The following NKAIN2 variants were observed in gnomAD, a reference collection of about 807,000 sequenced individuals.
NKAIN2 encodes sodium/potassium transporting ATPase interacting 2.
In NKAIN2, 14 loss-of-function variants were observed where a neutral mutation model predicts 32.6. The ratio of observed to expected loss-of-function variants is 0.43; its 90% CI spans 0.28 to 0.67. NKAIN2 has a LOEUF of 0.67. Among genes scored for constraint, NKAIN2 ranks in the 30% least tolerant of loss-of-function variants. The pLI is 0.17. For missense variants in NKAIN2, 198 were observed against 258.3 expected (o/e 0.77, Z 1.60); for synonymous variants, 80 against 87.2 (o/e 0.92, Z 0.46).
intron 1 of NKAIN2, among the ~76,000 whole-genome samples, chr6:124,220,347 A>G (rs1791748998): frequency 6.6e-6 from 1 of 151,790 alleles, no homozygotes; most frequent in African/African-American, 2.4e-5. Context: ...AATCAATTAA[A>G]CCTCCTTTGT....
At chr6:123,839,121 G>C (rs1774755250) in intron 1 of NKAIN2, among the ~76,000 whole-genome samples, 1 of 151,890 alleles carries the variant, frequency 6.6e-6, no homozygotes, top group South Asian at 2.1e-4. Context: ...TGTCCTGTTT[G>C]GTTAGCACAG....
At chr6:124,171,487 A>G (rs1169572350) in intron 1 of NKAIN2, among the ~76,000 whole-genome samples, 3 of 149,356 alleles carry the variant, frequency 2.0e-5, no homozygotes, top group African/African-American at 7.4e-5. Flanking sequence ...GAAAACCAAG[A>G]TTTTGTGATA....
At chr6:123,855,245 T>C (rs1026393885) in intron 1 of NKAIN2, among the ~76,000 whole-genome samples, 2 of 152,190 alleles carry the variant, frequency 1.3e-5, no homozygotes, top group Non-Finnish European at 2.9e-5. Context: ...TAAAATATTG[T>C]GAACAAATAT....
chr6:124,814,673 C>G (rs1000465594), intron 5 of NKAIN2, among the ~76,000 whole-genome samples: 3 of 151,008 alleles, frequency 2.0e-5, no homozygotes, highest in Non-Finnish European at 4.4e-5. Context: ...CTCAGGACAC[C>G]CTCATTTCCC....
intron 1 of NKAIN2, among the ~76,000 whole-genome samples, chr6:124,246,368 A>G (rs1043219068): frequency 4.6e-5 from 7 of 152,004 alleles, no homozygotes; most frequent in South Asian, 2.1e-4. Flanking sequence ...CTTGACTCAC[A>G]TCAGCATCAG....
At chr6:124,227,100 G>A (rs2689899) in intron 1 of NKAIN2, among the ~76,000 whole-genome samples, 96,489 of 142,186 alleles carry the variant, frequency 0.68, 32,638 homozygotes, top group South Asian at 0.76. Context: ...AAAAAAAAAA[G>A]AAAAAGTTAC....
At chr6:124,435,050 A>G (rs1775380586) in intron 3 of NKAIN2, among the ~76,000 whole-genome samples, 1 of 152,184 alleles carries the variant, frequency 6.6e-6, no homozygotes, top group Non-Finnish European at 1.5e-5. Flanking sequence ...GTTTCAGAAA[A>G]TCACAAATAT....
intron 1 of NKAIN2, among the ~76,000 whole-genome samples, chr6:124,271,867 T>C (rs1177523962): frequency 6.6e-6 from 1 of 152,124 alleles, no homozygotes; most frequent in Non-Finnish European, 1.5e-5. Flanking sequence ...GCAAAGAGAT[T>C]GGCAGCATTT....
intron 1 of NKAIN2, among the ~76,000 whole-genome samples, chr6:124,243,046 A>T (rs1793195975): frequency 6.6e-6 from 1 of 151,982 alleles, no homozygotes; most frequent in Non-Finnish European, 1.5e-5. Context: ...ATTAAAAAAA[A>T]AAAAACCCAA....
At chr6:124,302,293 C>G (rs1340404719) in intron 2 of NKAIN2, among the ~76,000 whole-genome samples, 1 of 152,230 alleles carries the variant, frequency 6.6e-6, no homozygotes. Flanking sequence ...TACTCACTCA[C>G]AGGTATGTCT....
chr6:124,496,436 GGCACTGCCCTCAGAGATCCTGA>G (rs1477835921), intron 3 of NKAIN2, among the ~76,000 whole-genome samples: 1 of 152,154 alleles, frequency 6.6e-6, no homozygotes, highest in Non-Finnish European at 1.5e-5. Context: ...AATAAGTCAT[GGCACTGCCCTCAGAGATCCTGA>G]GCAGAGAGTT....
intron 4 of NKAIN2, among the ~76,000 whole-genome samples, chr6:124,731,388 G>T (rs1421231503): frequency 1.3e-5 from 2 of 151,610 alleles, no homozygotes; most frequent in African/African-American, 4.9e-5. Context: ...CATAAAAAAT[G>T]ATGAGTTCAT....
intron 3 of NKAIN2, among the ~76,000 whole-genome samples, chr6:124,617,781 C>T (rs1337867): frequency 0.067 from 10,153 of 152,036 alleles, 371 homozygotes; most frequent in Non-Finnish European, 0.08. Context: ...TTGAGTATTA[C>T]GTATTAGAAG....
chr6:124,789,815 G>C (rs1288004476), intron 4 of NKAIN2, among the ~76,000 whole-genome samples: 1 of 152,014 alleles, frequency 6.6e-6, no homozygotes, highest in Non-Finnish European at 1.5e-5. Context: ...AATTCAGAGA[G>C]AAACATGCTG....
intron 3 of NKAIN2, among the ~76,000 whole-genome samples, chr6:124,634,911 GA>G (rs1783712648): frequency 1.3e-5 from 2 of 151,152 alleles, no homozygotes; most frequent in African/African-American, 4.9e-5. Context: ...TCTTTTAGCA[GA>G]AATTTTACAG....
At chr6:124,817,421 A>C (rs1271561347) in intron 5 of NKAIN2, among the ~76,000 whole-genome samples, 1 of 152,112 alleles carries the variant, frequency 6.6e-6, no homozygotes, top group Admixed American at 6.6e-5. Flanking sequence ...TACATTAGTT[A>C]TACTGTTACT....
chr6:124,159,728 A>C (rs983004487), intron 1 of NKAIN2, among the ~76,000 whole-genome samples: 1 of 152,162 alleles, frequency 6.6e-6, no homozygotes, highest in Non-Finnish European at 1.5e-5. Context: ...CTAGGAAACA[A>C]AGGATTTGAA....
chr6:123,907,805 G>A (rs1002947806), intron 1 of NKAIN2, among the ~76,000 whole-genome samples: 9 of 151,956 alleles, frequency 5.9e-5, no homozygotes, highest in African/African-American at 1.9e-4. Context: ...TCTTCACTGA[G>A]TTGCATGTCG....
At chr6:124,374,421 G>T (rs1799897273) in intron 3 of NKAIN2, among the ~76,000 whole-genome samples, 1 of 152,104 alleles carries the variant, frequency 6.6e-6, no homozygotes, top group Admixed American at 6.6e-5. Flanking sequence ...GGGTTGTCAA[G>T]TGTTACCTAT....
Sources: gnomAD v4.1 joint callset for allele counts (sites outside exome capture counted in the v4.1 genomes callset) on GRCh38, gnomAD v4.1.1 for gene constraint, MANE v1.5 for transcripts, NCBI Gene and HGNC (gene_info 2026-07-23, HGNC 2026-07-21) for gene names.